Variants in DSTYK observed in about 807,000 individuals in gnomAD.
DSTYK encodes dual serine/threonine and tyrosine protein kinase, also known as RIP-homologous kinase.
A neutral mutation model predicts 98.7 loss-of-function variants in DSTYK; 34 were observed. That is an observed-to-expected ratio of 0.34 (90% CI 0.26 to 0.46). DSTYK has a LOEUF of 0.46. Among genes scored for constraint, DSTYK ranks in the 20% least tolerant of loss-of-function variants. The pLI, the probability that DSTYK is intolerant of heterozygous loss-of-function variation, is 1.00. For missense variants in DSTYK, 962 were observed against 1,181.7 expected, an observed-to-expected ratio of 0.81 and a Z score of 2.73; for synonymous variants, 462 against 457.3, an observed-to-expected ratio of 1.01 and a Z score of -0.13.
At position 205,169,719 on chromosome 1, in the gene DSTYK, T is replaced by C. The variant is rs1244142694; in HGVS notation, c.768A>G (p.Glu256=). 1.2e-6 allele frequency: 2 copies of C among 1,614,036 alleles called. No individual in the cohort carries two copies. The highest frequency in any genetic ancestry group is 3.3e-5 in the Admixed American group (2 of 60,010). The part of the protein sequence containing the change: ...PVITYALHKD[E]LSERDEQELQ... Reference sequence around the variant, plus strand: ...GCTCTTGCTCATCCCTCTCAGAGAGTTCATCTTTGTGGAGTGCATAGGTTA... The same window carrying C: ...GCTCTTGCTCATCCCTCTCAGAGAGCTCATCTTTGTGGAGTGCATAGGTTA... The change falls in exon 3 of 13, where the codon GAA becomes GAG. Residue 256 remains glutamate, a synonymous_variant. Transcript: ENST00000367162. The surrounding 1 kb of genome is among the most constrained non-coding windows in gnomAD (Gnocchi z 4.0).
At chr1:205,173,047 GACA>G (rs762733953) in intron 2 of DSTYK, 1 of 152,094 alleles carries the variant, frequency 6.6e-6, no homozygotes, top group Admixed American at 6.6e-5. Context: ...CTGCATAAAT[GACA>G]ACATTATAAT....
chr1:205,182,045 T>A (rs1658422391), intron 2 of DSTYK, among the ~76,000 whole-genome samples: 1 of 152,062 alleles, frequency 6.6e-6, no homozygotes, highest in Non-Finnish European at 1.5e-5. Flanking sequence ...TTACTGAAAA[T>A]TTTAAAATAG....
chr1:205,173,930 G>A (rs1408122759), intron 2 of DSTYK, among the ~76,000 whole-genome samples: 2 of 151,994 alleles, frequency 1.3e-5, no homozygotes, highest in African/African-American at 2.4e-5. Flanking sequence ...ATGTTAGCAA[G>A]GCTGGTCTTG....
intron 1 of DSTYK, among the ~76,000 whole-genome samples, chr1:205,193,296 C>T (rs1312683268): frequency 6.6e-6 from 1 of 152,134 alleles, no homozygotes; most frequent in Non-Finnish European, 1.5e-5. Flanking sequence ...GCTAGTGACT[C>T]TTTAAGATAC....
rs1307044878 is a variant in DSTYK, at chr1:205,148,298, G to T, written c.2509C>A (p.Leu837Ile). The change falls in exon 12 of 13, where the codon CTT (leucine) becomes ATT (isoleucine). Residue 837 changes from leucine (L) to isoleucine (I), a missense_variant. Around this residue, in one of 4 missense-constraint regions of DSTYK, gnomAD observed 69 missense variants for 142.9 expected, o/e 0.48. Transcript: ENST00000367162. ...NSVDVYAFGI[L>I]FWYICSGSVK... ...GAGCCTGAGCAGATATACCAGAAAA[G>T]AATTCCAAAAGCGTAGACATCCACG... The T allele has an allele frequency of 6.2e-7, 1 of 1,613,968 alleles. No homozygotes were observed. Among genetic ancestry groups the T allele is most frequent in the Admixed American group, 1.7e-5 (1 of 59,992 alleles).
At chr1:205,176,476 TAAAAAAAAA>T (rs61291677) in intron 2 of DSTYK, among the ~76,000 whole-genome samples, 1 of 43,188 alleles carries the variant, frequency 2.3e-5, no homozygotes, top group Non-Finnish European at 4.5e-5. Context: ...AACTCCCTCT[TAAAAAAAAA>T]AAAAAAAAAA....
At position 205,162,169 on chromosome 1, in the gene DSTYK, A is replaced by C. The variant is rs1413785229; in HGVS notation, c.1685T>G (p.Leu562Arg). The C allele has an allele frequency of 1.2e-6, 2 of 1,614,172 alleles. No individual in the cohort carries two copies. Among genetic ancestry groups the C allele is most frequent in the Non-Finnish European group, 1.7e-6 (2 of 1,180,006 alleles). The change falls in exon 6 of 13, where the codon CTG becomes CGG. Residue 562 changes from leucine to arginine, a missense_variant. By Grantham distance (102) the Leu-to-Arg change is moderately radical (BLOSUM62 -2). Transcript: ENST00000367162. ...CTGGGCCACCTTCCTCTTCCATTCC[A>C]GAGTGATGGCAGGTGGGCTCACCCA... ...ITWVSPPAIT[L>R]EWKRKVAQEA... is the part of the protein sequence containing the mutation.
chr1:205,187,076 T>C (rs1327087202), intron 2 of DSTYK, among the ~76,000 whole-genome samples: 1 of 152,198 alleles, frequency 6.6e-6, no homozygotes, highest in African/African-American at 2.4e-5. Flanking sequence ...TATCTTCCTG[T>C]TAAGAAATGA....
chr1:205,157,350 G>A lies in DSTYK; in HGVS notation c.2275C>T (p.Leu759=), dbSNP rs753063101. 1 of 1,614,050 alleles carries A rather than the reference G, an allele frequency of 6.2e-7. No individual in the cohort carries two copies. Among genetic ancestry groups the A allele is most frequent in the Non-Finnish European group, 8.5e-7 (1 of 1,180,016 alleles). Reference sequence around the variant, plus strand: ...AAGCGGATTCCCTCCACCACATCTAGTGCTATCTGCAAACGTGTCTCCAGG... The same window carrying A: ...AAGCGGATTCCCTCCACCACATCTAATGCTATCTGCAAACGTGTCTCCAGG... ...LTLETRLQIA[L]DVVEGIRFLH... is the part of the protein sequence containing the mutation. Residue 759 remains leucine, a synonymous_variant, in exon 10 of 13, where the codon CTA becomes TTA. Coordinates refer to ENST00000367162, the MANE Select transcript of DSTYK (RefSeq NM_015375.3).
rs1657384448 is a variant in DSTYK at position 205,150,912 on chromosome 1, G to GA, written c.2353-119dup. The GA allele has an allele frequency of 1.3e-5, 10 of 789,022 alleles. No individual in the cohort carries two copies. The highest frequency in any genetic ancestry group is 2.1e-5 in the Non-Finnish European group (10 of 467,522). 48.9% of individuals were successfully genotyped at this position (789,022 alleles called of 1,614,324 possible). ...GTGTCACTGGATAGGATTATGCTCTGAAAATGAGTTGTCAGGTGATTTCAT... is the reference window on the plus strand; with the variant it reads ...GTGTCACTGGATAGGATTATGCTCTGAAAAATGAGTTGTCAGGTGATTTCAT... On this transcript the variant is annotated intron_variant, in intron 10 of 12. Transcript: ENST00000367162. The surrounding 1 kb of genome is among the most constrained non-coding windows in gnomAD (Gnocchi z 4.1).
intron 1 of DSTYK, chr1:205,202,467 C>T: frequency 1.2e-6 from 1 of 803,860 alleles, no homozygotes; most frequent in East Asian, 2.5e-5. Context: ...TTTTGCTACA[C>T]ATGCTTAAAA....
intron 5 of DSTYK, 96 bp downstream of exon 5, chr1:205,162,827 C>T (rs1657772091): frequency 8.3e-6 from 8 of 966,040 alleles, no homozygotes; most frequent in Non-Finnish European, 1.2e-5. Flanking sequence ...CCTGCCTTAA[C>T]AGAAGATCCT....
intron 1 of DSTYK, among the ~76,000 whole-genome samples, chr1:205,198,682 G>A (rs1321487530): frequency 2.0e-5 from 3 of 151,970 alleles, no homozygotes; most frequent in African/African-American, 7.3e-5. Context: ...ATTTGTGATA[G>A]GGCCTTAGTC....
chr1:205,198,438 G>T (rs371121380), intron 1 of DSTYK, among the ~76,000 whole-genome samples: 1 of 152,104 alleles, frequency 6.6e-6, no homozygotes, highest in Non-Finnish European at 1.5e-5. Flanking sequence ...AAGTGAAAGA[G>T]GTTTCCTCAG....
At chr1:205,202,739 A>G in intron 1 of DSTYK, 1 of 740,246 alleles carries the variant, frequency 1.4e-6, no homozygotes, top group Admixed American at 2.0e-5. Context: ...ATGACACAGG[A>G]GTAAATTCAG....
At chr1:205,205,166 T>C (rs1255547688) in intron 1 of DSTYK, among the ~76,000 whole-genome samples, 9 of 152,324 alleles carry the variant, frequency 5.9e-5, no homozygotes, top group African/African-American at 1.4e-4. Flanking sequence ...TGAGCTTATG[T>C]TGAAATGCAC....
At chr1:205,180,302 C>T (rs1385129451) in intron 2 of DSTYK, among the ~76,000 whole-genome samples, 4 of 151,052 alleles carry the variant, frequency 2.6e-5, no homozygotes, top group Non-Finnish European at 5.9e-5. Context: ...TGTGATGCTC[C>T]CCGCCTTGTG....
Position 205,147,395 on chromosome 1 carries a change from ACTGTC to A in DSTYK, c.*158_*162del. On this transcript the variant is annotated 3_prime_UTR_variant, in exon 13 of 13. Coordinates refer to ENST00000367162, the MANE Select transcript of DSTYK (RefSeq NM_015375.3). ...AATATGCTCAGTCATTCAACTCTTCACTGTCCAGGAGTCATCCCTGCCTGGGAAGG... is the reference window on the plus strand; with the variant it reads ...AATATGCTCAGTCATTCAACTCTTCACAGGAGTCATCCCTGCCTGGGAAGG... 2 of 602,456 alleles carry A rather than the reference ACTGTC, an allele frequency of 3.3e-6. No individual in the cohort carries two copies. Among genetic ancestry groups the A allele is most frequent in the Non-Finnish European group, 5.5e-6 (2 of 366,906 alleles). The allele number at this position is 602,456 out of a possible 1,614,324, so 37.3% of individuals were successfully genotyped here.
Position 205,157,298 on chromosome 1 carries a change from C to T in DSTYK, c.2327G>A (p.Arg776His), listed in dbSNP as rs1301056685. Residue 776 changes from arginine (R) to histidine (H), a missense_variant, in exon 10 of 13, where the codon CGT becomes CAT. Arg to His is a conservative substitution (Grantham distance 29). Around this residue, in one of 4 missense-constraint regions of DSTYK, gnomAD observed 69 missense variants for 142.9 expected, o/e 0.48. Coordinates refer to ENST00000367162, the MANE Select transcript of DSTYK (RefSeq NM_015375.3). ...CAGCACATTTTTCAGTTTGATATCACGATGGACAAGTCCCTGGCTGTGCAG... is the reference window on the plus strand; with the variant it reads ...CAGCACATTTTTCAGTTTGATATCATGATGGACAAGTCCCTGGCTGTGCAG... ...RFLHSQGLVH[R>H]DIKLKNVLLD... 15 of 1,614,042 alleles carry T rather than the reference C, an allele frequency of 9.3e-6. No homozygotes were observed. The highest frequency in any genetic ancestry group is 2.2e-5 in the East Asian group (1 of 44,866).
Sources: allele counts gnomAD v4.1 joint callset (sites outside exome capture counted in the v4.1 genomes callset), GRCh38; gene constraint gnomAD v4.1.1; regional missense constraint gnomAD v4.1.1; non-coding constraint Gnocchi (gnomAD v3.1); transcripts MANE v1.5; gene names NCBI Gene and HGNC (gene_info 2026-07-23, HGNC 2026-07-21).